Variants in RAPGEF4 observed in about 807,000 individuals in gnomAD.
RAPGEF4 encodes the protein RAP guanine-nucleotide-exchange factor (GEF) 4.
A neutral mutation model predicts 147.9 loss-of-function variants in RAPGEF4; 66 were observed. That is an observed-to-expected ratio of 0.45 (90% CI 0.37 to 0.55). The LOEUF (loss-of-function observed/expected upper bound fraction) is 0.55. Among genes scored for constraint, RAPGEF4 ranks in the 20% least tolerant of loss-of-function variants. The pLI is 0.00. For missense variants in RAPGEF4, 1,071 were observed against 1,257.3 expected, an observed-to-expected ratio of 0.85 and a Z score of 2.24; for synonymous variants, 419 against 442.7, an observed-to-expected ratio of 0.95 and a Z score of 0.67.
intron 4 of RAPGEF4, chr2:172,860,025 TC>T: frequency 1.0e-6 from 1 of 985,372 alleles, no homozygotes; most frequent in Non-Finnish European, 1.2e-6. Flanking sequence ...CCTGCTCTGT[TC>T]ACTGGCTCTT....
chr2:172,819,138 T>C (rs1423776140), intron 4 of RAPGEF4, among the ~76,000 whole-genome samples: 1 of 152,180 alleles, frequency 6.6e-6, no homozygotes, highest in South Asian at 2.1e-4. Flanking sequence ...GGTTTCCTTC[T>C]CCTTTTCCCT....
chr2:172,736,456 C>T (rs1312235213), intron 1 of RAPGEF4, among the ~76,000 whole-genome samples: 1 of 152,124 alleles, frequency 6.6e-6, no homozygotes, highest in African/African-American at 2.4e-5. Flanking sequence ...GTGGGGGCAC[C>T]GGCAGGTGCA....
intron 4 of RAPGEF4, chr2:172,917,587 C>G: frequency 1.5e-6 from 1 of 679,616 alleles, no homozygotes; most frequent in African/African-American, 1.8e-5. Context: ...AGAACCCCTG[C>G]CCCCGGGCAC....
chr2:172,995,897 GGTTT>G (rs1365176193), intron 15 of RAPGEF4, among the ~76,000 whole-genome samples: 1 of 152,086 alleles, frequency 6.6e-6, no homozygotes, highest in South Asian at 2.1e-4. Flanking sequence ...GATCTACTGG[GGTTT>G]GTTTGTTTGC....
At chr2:172,751,007 A>G (rs187957134) in intron 1 of RAPGEF4, among the ~76,000 whole-genome samples, 1 of 152,298 alleles carries the variant, frequency 6.6e-6, no homozygotes, top group Non-Finnish European at 1.5e-5. Flanking sequence ...TTACAGCAAA[A>G]GCTGGGTTCT....
chr2:172,895,652 AT>A (rs1698394736), intron 4 of RAPGEF4, among the ~76,000 whole-genome samples: 1 of 152,198 alleles, frequency 6.6e-6, no homozygotes, highest in Non-Finnish European at 1.5e-5. Context: ...CCAATCTCGA[AT>A]TTTGTGTTGA....
chr2:172,919,102 G>A (rs915294704), intron 5 of RAPGEF4, among the ~76,000 whole-genome samples: 6 of 152,136 alleles, frequency 3.9e-5, no homozygotes, highest in African/African-American at 1.4e-4. Context: ...TTCTCTCCTG[G>A]CTGAGCCAGG....
intron 5 of RAPGEF4, among the ~76,000 whole-genome samples, chr2:172,918,537 T>C (rs533353614): frequency 2.0e-5 from 3 of 152,258 alleles, no homozygotes; most frequent in Non-Finnish European, 4.4e-5. Flanking sequence ...CATCCAGGCC[T>C]TTTATGAGAG....
intron 4 of RAPGEF4, among the ~76,000 whole-genome samples, chr2:172,876,570 G>C (rs1695952231): frequency 6.6e-6 from 1 of 152,070 alleles, no homozygotes; most frequent in East Asian, 1.9e-4. Context: ...TGCATGTGTT[G>C]AACCAGCCTT....
chr2:172,921,013 T>A (rs990024342), intron 5 of RAPGEF4, among the ~76,000 whole-genome samples: 1 of 152,088 alleles, frequency 6.6e-6, no homozygotes, highest in Non-Finnish European at 1.5e-5. Flanking sequence ...AAGCTTCAAT[T>A]AGGGAATGTT....
intron 4 of RAPGEF4, among the ~76,000 whole-genome samples, chr2:172,870,283 C>T (rs184489441): frequency 1.4e-4 from 21 of 152,248 alleles, no homozygotes; most frequent in Non-Finnish European, 1.5e-5. Context: ...ATATGATCAG[C>T]CAGTCAATCA....
chr2:172,895,453 C>T (rs1041141187), intron 4 of RAPGEF4, among the ~76,000 whole-genome samples: 2 of 152,194 alleles, frequency 1.3e-5, no homozygotes, highest in African/African-American at 4.8e-5. Context: ...AGATCATAGA[C>T]ATACACTTTC....
chr2:172,952,485 C>T (rs1443740656), intron 6 of RAPGEF4, among the ~76,000 whole-genome samples: 5 of 152,314 alleles, frequency 3.3e-5, no homozygotes, highest in African/African-American at 9.6e-5. Flanking sequence ...AGGGGAGACA[C>T]ACCGTAATGG....
At chr2:172,996,821 G>A (rs1030649855) in intron 16 of RAPGEF4, among the ~76,000 whole-genome samples, 4 of 152,060 alleles carry the variant, frequency 2.6e-5, no homozygotes, top group Non-Finnish European at 5.9e-5. Flanking sequence ...TCTCTCTTAA[G>A]TTATTCAAAT....
intron 4 of RAPGEF4, among the ~76,000 whole-genome samples, chr2:172,819,940 G>A (rs1323415112): frequency 6.6e-6 from 1 of 152,126 alleles, no homozygotes; most frequent in African/African-American, 2.4e-5. Flanking sequence ...ATGATTGATA[G>A]TAGCTCTTGG....
At chr2:173,035,589 C>T (rs775258707) in intron 27 of RAPGEF4, among the ~76,000 whole-genome samples, 5 of 151,700 alleles carry the variant, frequency 3.3e-5, no homozygotes, top group Admixed American at 2.6e-4. Context: ...TAGGCTCAAG[C>T]GATACTCCTG....
At chr2:172,745,771 G>A (rs1694713225) in intron 1 of RAPGEF4, among the ~76,000 whole-genome samples, 1 of 152,120 alleles carries the variant, frequency 6.6e-6, no homozygotes, top group South Asian at 2.1e-4. Flanking sequence ...TGCTGGAGAA[G>A]AACAATTAAT....
chr2:173,039,070 A>G (rs1220613295), intron 29 of RAPGEF4, among the ~76,000 whole-genome samples: 2 of 152,254 alleles, frequency 1.3e-5, no homozygotes, highest in South Asian at 2.1e-4. Context: ...CTGAAAAGCA[A>G]TGAATAGCTA....
At chr2:172,965,150 C>T (rs919528720) in intron 8 of RAPGEF4, 1 of 186,442 alleles carries the variant, frequency 5.4e-6, no homozygotes, top group Non-Finnish European at 1.1e-5. Flanking sequence ...TAAACATTAA[C>T]TCATTCGGCA....
Sources: gnomAD v4.1 joint callset for allele counts (sites outside exome capture counted in the v4.1 genomes callset) on GRCh38, gnomAD v4.1.1 for gene constraint, MANE v1.5 for transcripts, NCBI Gene and HGNC (gene_info 2026-07-23, HGNC 2026-07-21) for gene names.